The following ADCY10 variants were observed in gnomAD, a reference collection of about 807,000 sequenced individuals.
ADCY10 encodes adenylate cyclase type 10.
Under a neutral mutation model 183.3 loss-of-function variants are expected in ADCY10, and 156 were observed. That is an observed-to-expected ratio of 0.85 (90% CI 0.75 to 0.97). The LOEUF is 0.97. Ranked by LOEUF, ADCY10 falls within the 50% of genes least tolerant of loss-of-function variation. ADCY10 has a pLI of 0.00. For synonymous variants in ADCY10, 645 were observed against 670.0 expected, an observed-to-expected ratio of 0.96 and a Z score of 0.58; for missense variants, 1,745 against 1,934.3, an observed-to-expected ratio of 0.90 and a Z score of 1.84.
chr1:167,892,892 C>G (rs751255342), intron 8 of ADCY10, among the ~76,000 whole-genome samples: 1 of 152,164 alleles, frequency 6.6e-6, no homozygotes, highest in Non-Finnish European at 1.5e-5. Context: ...CTAGCTATAT[C>G]TTTTACTTGA....
intron 14 of ADCY10, among the ~76,000 whole-genome samples, chr1:167,866,788 A>G (rs2102109334): frequency 6.6e-6 from 1 of 152,264 alleles, no homozygotes; most frequent in African/African-American, 2.4e-5. Flanking sequence ...TTCAAAAAAA[A>G]AAAATGGCAG....
chr1:167,878,409 AC>A (rs1312845534), intron 12 of ADCY10, 36 bp downstream of exon 12: 1 of 1,600,428 alleles, frequency 6.2e-7, no homozygotes, highest in East Asian at 2.2e-5. Context: ...CCGCTTCTTT[AC>A]TAAAATATAC....
At chr1:167,832,660 CA>C (rs144086232) in intron 25 of ADCY10, among the ~76,000 whole-genome samples, 4,768 of 152,170 alleles carry the variant, frequency 0.031, 140 homozygotes, top group East Asian at 0.14. Context: ...AGCAGTGGTG[CA>C]GGTTCCATCC....
intron 18 of ADCY10, among the ~76,000 whole-genome samples, chr1:167,851,611 A>G (rs1222103941): frequency 6.6e-6 from 1 of 152,090 alleles, no homozygotes; most frequent in Non-Finnish European, 1.5e-5. Flanking sequence ...TCACAAGTTC[A>G]GGAGTTCAAG....
chr1:167,888,217 C>A (rs1181137962), intron 8 of ADCY10, among the ~76,000 whole-genome samples: 1 of 152,090 alleles, frequency 6.6e-6, no homozygotes, highest in African/African-American at 2.4e-5. Flanking sequence ...TATGATTCCT[C>A]CTGATTTATT....
At chr1:167,877,025 C>G (rs967961265) in intron 12 of ADCY10, among the ~76,000 whole-genome samples, 1 of 151,956 alleles carries the variant, frequency 6.6e-6, no homozygotes, top group South Asian at 2.1e-4. Context: ...CAAGATCAAC[C>G]AAATCCAGCC....
chr1:167,815,355 G>A (rs1339932707), intron 31 of ADCY10, among the ~76,000 whole-genome samples: 2 of 152,158 alleles, frequency 1.3e-5, no homozygotes, highest in African/African-American at 4.8e-5. Context: ...GAGAAACTAT[G>A]TAACCAGAGC....
At position 167,901,787 on chromosome 1, in the gene ADCY10, A is replaced by T. The variant is rs770926693; in HGVS notation, c.311T>A (p.Leu104Gln). ...CAGCTGCTTTCGCTCCACCCTCCAC[A>T]GGGCTAGCAGTGCATCACCTTCAGA... ...LKFAGDALLA[L>Q]WRVERKQLKN... The change falls in exon 5 of 33, where the codon CTG (leucine) becomes CAG (glutamine). Residue 104 changes from leucine to glutamine, a missense_variant. Leu to Gln is a moderately radical substitution (Grantham distance 113). Coordinates refer to ENST00000367851, the MANE Select transcript of ADCY10 (RefSeq NM_018417.6). 1.2e-6 allele frequency: 2 copies of T among 1,614,192 alleles called. No homozygotes were observed. The highest frequency in any genetic ancestry group is 2.2e-5 in the South Asian group (2 of 91,080).
chr1:167,894,086 G>T, intron 7 of ADCY10, 145 bp from the exon 8 acceptor site: 1 of 684,886 alleles, frequency 1.5e-6, no homozygotes, highest in East Asian at 2.8e-5. Flanking sequence ...ACACCTAGGG[G>T]CTGAAAGGGC....
At chr1:167,831,160 G>C (rs1007718315) in intron 25 of ADCY10, among the ~76,000 whole-genome samples, 10 of 151,960 alleles carry the variant, frequency 6.6e-5, no homozygotes, top group African/African-American at 2.2e-4. Context: ...TTTTTTAAAG[G>C]TTCTTAGGAA....
At chr1:167,855,518 C>T (rs1018344589) in intron 17 of ADCY10, among the ~76,000 whole-genome samples, 1 of 152,202 alleles carries the variant, frequency 6.6e-6, no homozygotes, top group African/African-American at 2.4e-5. Flanking sequence ...GTCTTTAACG[C>T]TTACCAGTTT....
chr1:167,828,743 C>T (rs1021382214), intron 26 of ADCY10, among the ~76,000 whole-genome samples: 7 of 152,192 alleles, frequency 4.6e-5, no homozygotes, highest in African/African-American at 1.7e-4. Context: ...GGGCAGATCA[C>T]TTGAGGTCAG....
intron 8 of ADCY10, among the ~76,000 whole-genome samples, chr1:167,890,540 C>G (rs1161625446): frequency 6.6e-6 from 1 of 152,122 alleles, no homozygotes; most frequent in Non-Finnish European, 1.5e-5. Context: ...TTGCCCAAGG[C>G]CCACTGTGAC....
intron 12 of ADCY10, among the ~76,000 whole-genome samples, chr1:167,877,297 T>G (rs887493505): frequency 2.7e-5 from 4 of 150,664 alleles, no homozygotes; most frequent in Non-Finnish European, 5.9e-5. Flanking sequence ...TACCTGATGT[T>G]TAATAAGTAC....
At chr1:167,865,767 G>T (rs999016193) in intron 14 of ADCY10, among the ~76,000 whole-genome samples, 14 of 152,194 alleles carry the variant, frequency 9.2e-5, no homozygotes, top group African/African-American at 3.4e-4. Context: ...TATTCCATCT[G>T]CACATTAAAC....
Position 167,810,776 on chromosome 1 carries a change from G to A in ADCY10, c.4620C>T (p.Leu1540=). The part of the protein sequence containing the change: ...CGLFLNTALR[L]SETQGNILEK... ...CCAGTATATTCCCCTGTGTTTCAGAGAGCCGCAAGGCTGTGTTCAGGAAGA... is the reference window on the plus strand; with the variant it reads ...CCAGTATATTCCCCTGTGTTTCAGAAAGCCGCAAGGCTGTGTTCAGGAAGA... Residue 1540 remains leucine, a synonymous_variant, in exon 32 of 33, where the codon CTC becomes CTT. Transcript: ENST00000367851. 1.2e-6 allele frequency: 2 copies of A among 1,614,222 alleles called. No individual in the cohort carries two copies. The highest frequency in any genetic ancestry group is 8.5e-7 in the Non-Finnish European group (1 of 1,180,046).
chr1:167,883,318 G>C (rs148876518), intron 9 of ADCY10, 119 bp downstream of exon 9: 3 of 1,148,966 alleles, frequency 2.6e-6, no homozygotes. Context: ...GATTACAGGC[G>C]TGAGCCACCA....
chr1:167,877,592 A>G (rs1558222094), intron 12 of ADCY10, among the ~76,000 whole-genome samples: 3 of 152,204 alleles, frequency 2.0e-5, no homozygotes, highest in Admixed American at 6.5e-5. Flanking sequence ...AATAATTAGT[A>G]TCTTCAAAGA....
intron 14 of ADCY10, 49 bp from the exon 15 acceptor site, chr1:167,861,112 T>C: frequency 6.7e-7 from 1 of 1,502,252 alleles, no homozygotes; most frequent in Non-Finnish European, 9.2e-7. Context: ...AAATATATAT[T>C]TTTGAAAATA....
Sources: gnomAD v4.1 joint callset for allele counts (sites outside exome capture counted in the v4.1 genomes callset) on GRCh38, gnomAD v4.1.1 for gene constraint, MANE v1.5 for transcripts, NCBI Gene and HGNC (gene_info 2026-07-23, HGNC 2026-07-21) for gene names.